The following KCNH7 variants were observed in gnomAD, a reference collection of about 807,000 sequenced individuals.
KCNH7 encodes the protein potassium voltage-gated channel subfamily H member 7, also known as voltage-gated inwardly rectifying potassium channel KCNH7.
In KCNH7, 49 loss-of-function variants were observed where a neutral mutation model predicts 120.8. That is an observed-to-expected ratio of 0.41 (90% CI 0.32 to 0.51). The LOEUF is 0.51. KCNH7 is among the 20% of genes least tolerant of loss of function. The probability of loss-of-function intolerance (pLI) is 0.38; values close to 1 mark genes in which losing one functional copy is unlikely to be tolerated. For missense variants in KCNH7, 1,097 were observed against 1,446.6 expected, an observed-to-expected ratio of 0.76 and a Z score of 3.92; for synonymous variants, 547 against 516.1, an observed-to-expected ratio of 1.06 and a Z score of -0.81.
At chr2:162,752,591 C>T (rs774842127) in intron 2 of KCNH7, among the ~76,000 whole-genome samples, 30 of 151,930 alleles carry the variant, frequency 2.0e-4, no homozygotes, top group Non-Finnish European at 2.6e-4. Flanking sequence ...GGCACACACA[C>T]GGCACAACAG....
At chr2:162,669,958 G>C (rs1340882056) in intron 2 of KCNH7, among the ~76,000 whole-genome samples, 1 of 151,954 alleles carries the variant, frequency 6.6e-6, no homozygotes, top group Non-Finnish European at 1.5e-5. Context: ...ACATTAGCCA[G>C]GTGTGGTGGA....
At chr2:162,704,537 T>C (rs1686627787) in intron 2 of KCNH7, among the ~76,000 whole-genome samples, 1 of 152,196 alleles carries the variant, frequency 6.6e-6, no homozygotes, top group Admixed American at 6.6e-5. Flanking sequence ...ATTCAGAAAC[T>C]TTTGTCTTTT....
chr2:162,681,810 AT>A (rs71410025), intron 2 of KCNH7, among the ~76,000 whole-genome samples: 21,006 of 140,924 alleles, frequency 0.15, 1,554 homozygotes, highest in East Asian at 0.35. Context: ...GGGGTCTGTG[AT>A]TTTTTTTTTT....
At chr2:162,838,303 C>G in intron 1 of KCNH7, 140 bp downstream of exon 1, 1 of 648,196 alleles carries the variant, frequency 1.5e-6, no homozygotes, top group Non-Finnish European at 2.8e-6. Flanking sequence ...CGCTGCCATT[C>G]GAACCTCCTG....
intron 6 of KCNH7, among the ~76,000 whole-genome samples, chr2:162,468,901 C>T (rs974944470): frequency 3.3e-5 from 5 of 151,434 alleles, no homozygotes; most frequent in South Asian, 2.1e-4. Context: ...ACCAGGCTGA[C>T]GTGCAGTGGC....
intron 2 of KCNH7, among the ~76,000 whole-genome samples, chr2:162,570,098 T>C (rs1693409993): frequency 6.8e-6 from 1 of 147,912 alleles, no homozygotes; most frequent in South Asian, 2.2e-4. Flanking sequence ...TGACTTTCTG[T>C]CTCGTTGATC....
At chr2:162,722,090 A>G (rs1171664412) in intron 2 of KCNH7, among the ~76,000 whole-genome samples, 7 of 152,076 alleles carry the variant, frequency 4.6e-5, no homozygotes, top group Non-Finnish European at 8.8e-5. Flanking sequence ...GTAATAGTCA[A>G]TACCACTAAG....
At chr2:162,743,363 G>A (rs554466004) in intron 2 of KCNH7, among the ~76,000 whole-genome samples, 3 of 151,732 alleles carry the variant, frequency 2.0e-5, no homozygotes, top group Non-Finnish European at 4.4e-5. Flanking sequence ...AAAAAAGGGA[G>A]GAAAGAAAGA....
At chr2:162,766,053 A>G (rs1209151090) in intron 2 of KCNH7, among the ~76,000 whole-genome samples, 1 of 151,684 alleles carries the variant, frequency 6.6e-6, no homozygotes, top group Admixed American at 6.6e-5. Flanking sequence ...TTTTTCTTTT[A>G]TAACAAATGC....
intron 2 of KCNH7, among the ~76,000 whole-genome samples, chr2:162,804,399 A>G (rs1684458419): frequency 6.6e-6 from 1 of 151,934 alleles, no homozygotes; most frequent in Non-Finnish European, 1.5e-5. Context: ...AAAAATCAAT[A>G]TACACAAATC....
At chr2:162,563,027 G>A (rs1356029168) in intron 2 of KCNH7, among the ~76,000 whole-genome samples, 1 of 152,062 alleles carries the variant, frequency 6.6e-6, no homozygotes, top group African/African-American at 2.4e-5. Context: ...CAGAAACACA[G>A]GGTCACTTTT....
chr2:162,563,859 T>C (rs909331031), intron 2 of KCNH7, among the ~76,000 whole-genome samples: 1 of 152,196 alleles, frequency 6.6e-6, no homozygotes, highest in Non-Finnish European at 1.5e-5. Flanking sequence ...CTTCTTAGCA[T>C]TTCCTTGCAC....
At chr2:162,747,926 A>G (rs905997926) in intron 2 of KCNH7, among the ~76,000 whole-genome samples, 1 of 152,164 alleles carries the variant, frequency 6.6e-6, no homozygotes, top group Middle Eastern at 3.2e-3. Flanking sequence ...ACGAGCAAAT[A>G]CTTATTCTGA....
intron 2 of KCNH7, among the ~76,000 whole-genome samples, chr2:162,557,275 G>A (rs1574098393): frequency 6.6e-6 from 1 of 152,186 alleles, no homozygotes; most frequent in African/African-American, 2.4e-5. Flanking sequence ...CAAGTGGCTT[G>A]AGCTTTTCAG....
At chr2:162,737,761 G>T (rs189006807) in intron 2 of KCNH7, among the ~76,000 whole-genome samples, 2 of 152,142 alleles carry the variant, frequency 1.3e-5, no homozygotes, top group African/African-American at 4.8e-5. Flanking sequence ...ATACAGCCTG[G>T]CATTTGAAAA....
intron 3 of KCNH7, among the ~76,000 whole-genome samples, chr2:162,530,665 C>T (rs1055136541): frequency 5.3e-5 from 8 of 151,944 alleles, no homozygotes; most frequent in African/African-American, 1.9e-4. Context: ...GCAATAATAT[C>T]ACAATTTTGA....
At chr2:162,614,635 T>C (rs1683078760) in intron 2 of KCNH7, among the ~76,000 whole-genome samples, 1 of 150,556 alleles carries the variant, frequency 6.6e-6, no homozygotes, top group Non-Finnish European at 1.5e-5. Context: ...TCAGAATACA[T>C]GTCATATGAT....
intron 6 of KCNH7, among the ~76,000 whole-genome samples, chr2:162,476,164 T>G (rs1194011223): frequency 6.6e-6 from 1 of 152,204 alleles, no homozygotes; most frequent in Admixed American, 6.5e-5. Flanking sequence ...TTAATGAAAT[T>G]CATTTTACCA....
At chr2:162,664,532 G>A (rs1685071099) in intron 2 of KCNH7, among the ~76,000 whole-genome samples, 2 of 152,174 alleles carry the variant, frequency 1.3e-5, no homozygotes, top group South Asian at 4.1e-4. Context: ...AAGTTGGGAT[G>A]TGAATCTGAA....
Sources: gnomAD v4.1 joint callset for allele counts (sites outside exome capture counted in the v4.1 genomes callset) on GRCh38, gnomAD v4.1.1 for gene constraint, MANE v1.5 for transcripts, NCBI Gene and HGNC (gene_info 2026-07-23, HGNC 2026-07-21) for gene names.